The following RANBP3L variants were observed in gnomAD, a reference collection of about 807,000 sequenced individuals.
The protein encoded by RANBP3L is ran-binding protein 3-like.
A neutral mutation model predicts 67.2 loss-of-function variants in RANBP3L; 56 were observed. That is an observed-to-expected ratio of 0.83 (90% CI 0.67 to 1.04). The LOEUF (loss-of-function observed/expected upper bound fraction) is 1.04, where lower values mean the gene tolerates loss of function less well. Among genes scored for constraint, RANBP3L ranks in the 50% least tolerant of loss-of-function variants. The pLI is 0.00. For missense variants in RANBP3L, 496 were observed against 535.5 expected (o/e 0.93, Z 0.73); for synonymous variants, 164 against 181.4 (o/e 0.90, Z 0.77).
chr5:36,257,011 G>A lies in RANBP3L; in HGVS notation c.833C>T (p.Pro278Leu). The A allele has an allele frequency of 4.3e-6, 7 of 1,612,610 alleles. No homozygotes were observed. In the Middle Eastern group the frequency reaches 5.0e-4, roughly 114 times the overall value. Residue 278 changes from proline (P) to leucine (L), a missense_variant, in exon 10 of 14, where the codon CCA (proline) becomes CTA (leucine). Physicochemically the swap from Pro to Leu is moderately conservative, Grantham distance 98. Coordinates refer to ENST00000296604, the MANE Select transcript of RANBP3L (RefSeq NM_145000.5). ...TTTCTCCAGCAAGCATTTTCGTGAT[G>A]GTTGGGAAGAGAATGCAGCAGCTGA... ...IESAAAFSSQ[P>L]SRKCLLEKID...
Position 36,251,367 on chromosome 5 carries a change from C to T in RANBP3L, c.1300G>A (p.Glu434Lys), listed in dbSNP as rs745462557. Residue 434 changes from glutamate (E) to lysine (K), a missense_variant, in exon 13 of 14, where the codon GAA becomes AAA. Physicochemically the swap from Glu to Lys is moderately conservative, Grantham distance 56 (BLOSUM62 1). Transcript: ENST00000296604. ...TCATCCTCATTCTCATCACAGCTTT[C>T]GCAGTTCAATTGTTGGGCTGTTTCT... is the stretch of plus-strand genomic sequence containing the variant. The part of the protein sequence containing the change: ...LSETAQQLNC[E>K]SCDENEDDFI... 5.6e-6 allele frequency: 9 copies of T among 1,613,340 alleles called. No homozygotes were observed. Among genetic ancestry groups the T allele is most frequent in the South Asian group, 1.1e-5 (1 of 90,998 alleles).
chr5:36,255,664 A>G (rs1023650573), intron 10 of RANBP3L, 74 bp from the exon 11 acceptor site: 4 of 1,011,960 alleles, frequency 4.0e-6, no homozygotes, highest in South Asian at 1.5e-5. Flanking sequence ...ATGTTATGAC[A>G]CGTTTATATG....
intron 1 of RANBP3L, among the ~76,000 whole-genome samples, chr5:36,286,730 C>T (rs1440960111): frequency 6.6e-6 from 1 of 152,146 alleles, no homozygotes; most frequent in South Asian, 2.1e-4. Context: ...GAATCAATAA[C>T]CACGTCAGAA....
chr5:36,255,666 G>T, intron 10 of RANBP3L, 76 bp from the exon 11 acceptor site: 3 of 925,794 alleles, frequency 3.2e-6, no homozygotes, highest in South Asian at 3.2e-5. Context: ...GTTATGACAC[G>T]TTTATATGTG....
At position 36,248,224 on chromosome 5, in the gene RANBP3L, TCATTGA is replaced by T. The variant is rs1365927093; in HGVS notation, c.*1424_*1429del. Among the ~76,000 whole-genome samples, 1 of 152,188 alleles carries T rather than the reference TCATTGA, an allele frequency of 6.6e-6. No homozygotes were observed. Among genetic ancestry groups the T allele is most frequent in the African/African-American group, 2.4e-5 (1 of 41,454 alleles). ...TTATTTTTCCTCTTTATTTTCTGAG[TCATTGA>T]CTCCTTTATTTAGAAGTAAAGGATA... On this transcript the variant is annotated 3_prime_UTR_variant, in exon 14 of 14. Coordinates refer to ENST00000296604, the MANE Select transcript of RANBP3L (RefSeq NM_145000.5).
intron 1 of RANBP3L, among the ~76,000 whole-genome samples, chr5:36,278,619 G>A (rs1750762167): frequency 6.6e-6 from 1 of 152,072 alleles, no homozygotes; most frequent in Non-Finnish European, 1.5e-5. Context: ...GGGATGTTCT[G>A]AGTAAGCTCA....
At chr5:36,280,553 A>G (rs1750901394) in intron 1 of RANBP3L, among the ~76,000 whole-genome samples, 1 of 152,154 alleles carries the variant, frequency 6.6e-6, no homozygotes, top group Non-Finnish European at 1.5e-5. Flanking sequence ...TTCACATAGA[A>G]CATCAGGCAG....
rs149983430 is a variant in RANBP3L at position 36,269,489 on chromosome 5, G to A, written c.191-22C>T. The A allele has an allele frequency of 8.9e-5, 118 of 1,327,460 alleles. No individual in the cohort carries two copies. The African/African-American group carries it at 1.6e-3, about 18-fold the overall frequency. The allele number at this position is 1,327,460 out of a possible 1,614,324, so 82.2% of individuals were successfully genotyped here. On this transcript the variant is annotated intron_variant, in intron 3 of 13. Coordinates refer to ENST00000296604, the MANE Select transcript of RANBP3L (RefSeq NM_145000.5). ...CATTCTGCAAGAAAAGCAATGGAAA[G>A]GCTAAAATTACTTGTGATAATAAAT...
intron 1 of RANBP3L, among the ~76,000 whole-genome samples, chr5:36,293,674 G>A (rs1295691310): frequency 4.9e-4 from 72 of 145,460 alleles, no homozygotes; most frequent in African/African-American, 1.4e-3. Flanking sequence ...GGTTTTTGTC[G>A]TTGGTTCTGT....
chr5:36,280,179 A>T (rs1750874174), intron 1 of RANBP3L, among the ~76,000 whole-genome samples: 1 of 152,190 alleles, frequency 6.6e-6, no homozygotes, highest in African/African-American at 2.4e-5. Flanking sequence ...CAATTTTGAA[A>T]AACCAAGACA....
At chr5:36,270,726 G>C (rs1382343704) in intron 2 of RANBP3L, among the ~76,000 whole-genome samples, 8 of 152,212 alleles carry the variant, frequency 5.3e-5, no homozygotes, top group Admixed American at 2.6e-4. Context: ...TCGAACCCCA[G>C]GCTTCAAACA....
intron 4 of RANBP3L, among the ~76,000 whole-genome samples, chr5:36,267,675 C>G (rs1018036271): frequency 5.3e-5 from 8 of 152,096 alleles, no homozygotes; most frequent in South Asian, 2.1e-4. Flanking sequence ...GAATAGAGAT[C>G]ATTTTAATGT....
In RANBP3L at chr5:36,256,139, G is replaced by A. The variant is rs73081926; in HGVS notation, c.904-549C>T. Among the ~76,000 whole-genome samples, 1,216 of 152,152 alleles carry A rather than the reference G, an allele frequency of 8.0e-3. 10 individuals carry two copies. Among genetic ancestry groups the A allele is most frequent in the African/African-American group, 0.028 (1,148 of 41,524 alleles). ...TGGAGAAGTAGGATGTGATACCACA[G>A]GTTACCCTACTGCAATCATTACTAC... On this transcript the variant is annotated intron_variant, in intron 10 of 13. Transcript: ENST00000296604.
chr5:36,260,984 A>C, intron 7 of RANBP3L, 120 bp from the exon 8 acceptor site: 1 of 587,670 alleles, frequency 1.7e-6, no homozygotes, highest in Non-Finnish European at 3.1e-6. Flanking sequence ...CACTTTTGTT[A>C]GTGTGAATTT....
intron 1 of RANBP3L, among the ~76,000 whole-genome samples, chr5:36,274,200 T>C (rs1179997522): frequency 6.6e-6 from 1 of 152,144 alleles, no homozygotes; most frequent in Admixed American, 6.6e-5. Context: ...ACTTTTTCCT[T>C]TAACATGGAT....
intron 12 of RANBP3L, 146 bp downstream of exon 12, chr5:36,253,501 T>C: frequency 3.3e-6 from 2 of 603,778 alleles, no homozygotes; most frequent in Admixed American, 6.1e-5. Flanking sequence ...ATAAAATTTA[T>C]GTCTTATGCT....
intron 2 of RANBP3L, 40 bp from the exon 3 acceptor site, chr5:36,270,030 G>A (rs1750098964): frequency 1.3e-6 from 2 of 1,577,792 alleles, no homozygotes; most frequent in Non-Finnish European, 8.7e-7. Context: ...CTGAGTATTT[G>A]CCTTTGTATT....
chr5:36,271,128 C>A, intron 2 of RANBP3L, 125 bp downstream of exon 2: 1 of 656,492 alleles, frequency 1.5e-6, no homozygotes, highest in Non-Finnish European at 2.7e-6. Flanking sequence ...AATCTGGAGG[C>A]ACTACTCTGC....
At chr5:36,264,624 A>C (rs1381589979) in intron 6 of RANBP3L, among the ~76,000 whole-genome samples, 1 of 152,146 alleles carries the variant, frequency 6.6e-6, no homozygotes, top group East Asian at 1.9e-4. Flanking sequence ...ATGTAGAGAA[A>C]ATCCCTGCCT....
Sources: allele counts gnomAD v4.1 joint callset (sites outside exome capture counted in the v4.1 genomes callset), GRCh38; gene constraint gnomAD v4.1.1; transcripts MANE v1.5; gene names NCBI Gene and HGNC (gene_info 2026-07-23, HGNC 2026-07-21).